Variants in ALG9 observed in about 807,000 individuals in gnomAD.
The protein encoded by ALG9 is alpha-1,2-mannosyltransferase ALG9.
In ALG9, 55 loss-of-function variants were observed where a neutral mutation model predicts 81.8. The observed-to-expected ratio is 0.67, with a 90% CI of 0.54 to 0.84. The LOEUF (loss-of-function observed/expected upper bound fraction) is 0.84. Ranked by LOEUF, ALG9 falls within the 40% of genes least tolerant of loss-of-function variation. The probability of loss-of-function intolerance (pLI) is 0.00; values close to 1 mark genes in which losing one functional copy is unlikely to be tolerated. For missense variants in ALG9, 629 were observed against 745.0 expected, an observed-to-expected ratio of 0.84 and a Z score of 1.81; for synonymous variants, 278 against 274.3, an observed-to-expected ratio of 1.01 and a Z score of -0.13.
At chr11:111,813,184 G>A (rs577803529) in intron 13 of ALG9, among the ~76,000 whole-genome samples, 170 of 152,092 alleles carry the variant, frequency 1.1e-3, no homozygotes, top group African/African-American at 3.7e-3. Context: ...TAAAGCTCTC[G>A]GAATATAATA....
intron 14 of ALG9, among the ~76,000 whole-genome samples, chr11:111,796,388 A>G (rs1329936716): frequency 6.6e-6 from 1 of 152,214 alleles, no homozygotes; most frequent in Non-Finnish European, 1.5e-5. Context: ...GTCCTAAAAC[A>G]TGTTACATGC....
chr11:111,870,134 C>T, intron 2 of ALG9, 98 bp downstream of exon 2: 2 of 1,224,340 alleles, frequency 1.6e-6, no homozygotes, highest in Admixed American at 2.8e-5. Context: ...AGTTATTTTA[C>T]TAGGAGTCAC....
chr11:111,813,454 T>C (rs1340328477), intron 13 of ALG9, among the ~76,000 whole-genome samples: 2 of 151,946 alleles, frequency 1.3e-5, no homozygotes, highest in African/African-American at 2.4e-5. Flanking sequence ...ATAAAAAAAT[T>C]AGCTGGGCAT....
At chr11:111,843,928 C>T (rs1956585834) in intron 9 of ALG9, among the ~76,000 whole-genome samples, 1 of 152,174 alleles carries the variant, frequency 6.6e-6, no homozygotes, top group Non-Finnish European at 1.5e-5. Context: ...AGTACTATCT[C>T]GTGGATTACC....
At chr11:111,832,212 G>A (rs1292628043) in intron 13 of ALG9, among the ~76,000 whole-genome samples, 1 of 152,162 alleles carries the variant, frequency 6.6e-6, no homozygotes, top group Non-Finnish European at 1.5e-5. Flanking sequence ...CACATTTATT[G>A]TAGTATTTAT....
At chr11:111,811,885 G>T (rs985682731) in intron 13 of ALG9, among the ~76,000 whole-genome samples, 9 of 152,148 alleles carry the variant, frequency 5.9e-5, no homozygotes, top group South Asian at 2.1e-4. Context: ...TTTTGGGGGG[G>T]AGGCATAATA....
the ALG9 span, among the ~76,000 whole-genome samples, chr11:111,774,309 C>G: frequency 2.0e-5 from 3 of 152,090 alleles, no homozygotes; most frequent in South Asian, 6.2e-4. Flanking sequence ...CCAGGAGGCA[C>G]AGATTGCGGT....
At chr11:111,810,898 G>A (rs1245066134) in intron 13 of ALG9, among the ~76,000 whole-genome samples, 1 of 152,156 alleles carries the variant, frequency 6.6e-6, no homozygotes, top group Non-Finnish European at 1.5e-5. Context: ...TTTTCCTTTG[G>A]GATCCAGAAT....
chr11:111,844,581 C>T lies in ALG9; in HGVS notation c.1018+20G>A. On this transcript the variant is annotated intron_variant, in intron 9 of 14. Coordinates refer to ENST00000616540, the MANE Select transcript of ALG9 (RefSeq NM_024740.2). ...TTGCTCTTTCCTCCCAAAACACCTA[C>T]CATCTCTTATGCCACTCACCATGAA... 6.2e-7 allele frequency: 1 copy of T among 1,613,808 alleles called. No individual in the cohort carries two copies. Among genetic ancestry groups the T allele is most frequent in the South Asian group, 1.1e-5 (1 of 91,072 alleles).
At chr11:111,790,626 T>C (rs76547848) in intron 14 of ALG9, among the ~76,000 whole-genome samples, 1 of 152,258 alleles carries the variant, frequency 6.6e-6, no homozygotes, top group East Asian at 1.9e-4. Context: ...ATCTAGACTA[T>C]ATAAACTGTT....
At chr11:111,815,265 T>C (rs1295372821) in intron 13 of ALG9, among the ~76,000 whole-genome samples, 1 of 151,982 alleles carries the variant, frequency 6.6e-6, no homozygotes, top group African/African-American at 2.4e-5. Context: ...ATTGGCTCAG[T>C]GTGGTGGCTC....
chr11:111,796,432 T>G (rs1181314858), intron 14 of ALG9, among the ~76,000 whole-genome samples: 1 of 152,200 alleles, frequency 6.6e-6, no homozygotes, highest in Non-Finnish European at 1.5e-5. Context: ...GGCATGGACT[T>G]AGAGAACAGA....
intron 5 of ALG9, among the ~76,000 whole-genome samples, chr11:111,860,069 A>G (rs939307059): frequency 5.3e-5 from 8 of 152,208 alleles, no homozygotes; most frequent in African/African-American, 1.9e-4. Flanking sequence ...CACATAGAAT[A>G]CATATCAAAT....
Position 111,784,567 on chromosome 11 carries a change from A to C in ALG9, c.*1830T>G, listed in dbSNP as rs1946272598. ...ACTCCAACTCTACTAAAAATACATA[A>C]ATTAGCTGGGCATGATGGCGCATGC... On this transcript the variant is annotated 3_prime_UTR_variant, in exon 15 of 15. Coordinates refer to ENST00000616540, the MANE Select transcript of ALG9 (RefSeq NM_024740.2). The C allele has an allele frequency of 6.6e-6, 1 of 152,120 alleles. No individual in the cohort carries two copies. Among genetic ancestry groups the C allele is most frequent in the Non-Finnish European group, 1.5e-5 (1 of 68,056 alleles). 9.4% of individuals were successfully genotyped at this position (152,120 alleles called of 1,614,324 possible).
At chr11:111,778,245 G>A (rs1381780832), downstream of ALG9, 1 of 152,172 alleles carries the variant, frequency 6.6e-6, no homozygotes, top group Non-Finnish European at 1.5e-5. Flanking sequence ...TGAAGGGCAA[G>A]TCGGCCTGCT....
At chr11:111,842,494 T>C (rs927373991) in intron 9 of ALG9, among the ~76,000 whole-genome samples, 2 of 152,064 alleles carry the variant, frequency 1.3e-5, no homozygotes, top group Non-Finnish European at 2.9e-5. Context: ...CAACCATGGC[T>C]CACTGTAGCC....
the ALG9 span, among the ~76,000 whole-genome samples, chr11:111,775,577 A>G: frequency 2.0e-5 from 3 of 152,188 alleles, no homozygotes; most frequent in Admixed American, 6.5e-5. Context: ...GGTTACTGGA[A>G]GTGGACTAAG....
At chr11:111,829,548 A>T (rs1328715688) in intron 13 of ALG9, among the ~76,000 whole-genome samples, 2 of 152,204 alleles carry the variant, frequency 1.3e-5, no homozygotes, top group Non-Finnish European at 2.9e-5. Flanking sequence ...ACATCTTATA[A>T]ACAAGCATAT....
downstream of ALG9, among the ~76,000 whole-genome samples, chr11:111,780,493 TTCAAGCGATTCTCATGTC>T (rs1341851454): frequency 3.3e-5 from 5 of 151,462 alleles, no homozygotes; most frequent in Admixed American, 3.3e-4. Context: ...ACCTCCTGGG[TTCAAGCGATTCTCATGTC>T]TCAGCCTCCC....
Sources: allele counts gnomAD v4.1 joint callset (sites outside exome capture counted in the v4.1 genomes callset), GRCh38; gene constraint gnomAD v4.1.1; transcripts MANE v1.5; gene names NCBI Gene and HGNC (gene_info 2026-07-23, HGNC 2026-07-21).